Variants in ZNF641 observed in about 807,000 individuals in gnomAD.
The protein encoded by ZNF641 is zinc finger protein 641.
ZNF641 carries 26 observed loss-of-function variants against 46.2 expected under a neutral mutation model. That is an observed-to-expected ratio of 0.56 (90% CI 0.41 to 0.78). The LOEUF is 0.78. ZNF641 is among the 30% of genes least tolerant of loss of function. ZNF641 has a pLI of 0.00. For missense variants in ZNF641, 469 were observed against 517.8 expected (o/e 0.91, Z 0.91); for synonymous variants, 163 against 187.9 (o/e 0.87, Z 1.09).
At chr12:48,348,356 CATT>C (rs2136188638) in intron 1 of ZNF641, among the ~76,000 whole-genome samples, 1 of 152,034 alleles carries the variant, frequency 6.6e-6, no homozygotes, top group East Asian at 1.9e-4. Context: ...TTGTGGACCT[CATT>C]ATAGAAACAG....
chr12:48,350,298 A>C, intron 1 of ZNF641: 1 of 1,325,520 alleles, frequency 7.5e-7, no homozygotes, highest in Non-Finnish European at 9.9e-7. Flanking sequence ...CCAAGGGCAC[A>C]CGGACGAGTT....
rs750818043 is a variant in ZNF641 at position 48,348,023 on chromosome 12, G to A, written c.68C>T (p.Ala23Val). The A allele has an allele frequency of 2.5e-6, 4 of 1,614,078 alleles. No homozygotes were observed. The highest frequency in any genetic ancestry group is 3.4e-6 in the Non-Finnish European group (4 of 1,180,040). Reference protein sequence around the residue: ...WESMNVQLDGAEPQVERGSQE... With the variant: ...WESMNVQLDGVEPQVERGSQE... ...GCTTCCCCTTTCCACCTGGGGCTCT[G>A]CTCCATCCAGCTGTACATTCATTGA... The change falls in exon 2 of 6, where the codon GCA becomes GTA. Residue 23 changes from alanine to valine, a missense_variant. By Grantham distance (64) the Ala-to-Val change is moderately conservative (BLOSUM62 0). Around this residue, in one of 3 missense-constraint regions of ZNF641, gnomAD observed 98 missense variants for 105.7 expected, o/e 0.93. Transcript: ENST00000547026.
chr12:48,347,871 T>C (rs765349085), intron 2 of ZNF641, 36 bp downstream of exon 2: 1 of 1,591,872 alleles, frequency 6.3e-7, no homozygotes, highest in Non-Finnish European at 8.6e-7. Context: ...TAGGAGACTA[T>C]GCACTGTGCT....
intron 3 of ZNF641, among the ~76,000 whole-genome samples, chr12:48,346,765 C>T (rs1265694257): frequency 6.6e-6 from 1 of 152,192 alleles, no homozygotes; most frequent in Non-Finnish European, 1.5e-5. Flanking sequence ...GACCCCAGCA[C>T]TTTGGGAGGC....
In ZNF641 at chr12:48,347,884, C is replaced by T. The variant is rs751868543; in HGVS notation, c.184+23G>A. 3.7e-6 allele frequency: 6 copies of T among 1,610,076 alleles called. No homozygotes were observed. In the African/African-American group the frequency reaches 5.3e-5, roughly 14 times the overall value. On this transcript the variant is annotated intron_variant, in intron 2 of 5. Transcript: ENST00000547026. ...ATTAGGAGACTATGCACTGTGCTTC[C>T]CACACACTCTGTGAGTTCTCACCCT...
Position 48,340,019 on chromosome 12 carries a change from G to T in ZNF641, c.*2954C>A. 1.0e-6 allele frequency: 1 copy of T among 985,428 alleles called. No homozygotes were observed. Among genetic ancestry groups the T allele is most frequent in the African/African-American group, 1.7e-5 (1 of 57,360 alleles). 61.0% of individuals were successfully genotyped at this position (985,428 alleles called of 1,614,324 possible). A position where few individuals can be genotyped will look rare whatever the true frequency, so the allele number is the denominator to read the frequency against. ...AGATGATATCCCTGTTTTACATTTT[G>T]CCCAAAGAGAACACAGAGATTCTTT... On this transcript the variant is annotated 3_prime_UTR_variant, in exon 6 of 6. Coordinates refer to ENST00000547026, the MANE Select transcript of ZNF641 (RefSeq NM_001172681.2).
In ZNF641 at chr12:48,347,330, G is replaced by A. The variant is rs1484951660; in HGVS notation, c.198C>T (p.Pro66=). ...QSLQEKAQSA[P]WVPAIPQEGN... ...CCTCCTGGGGAATTGCAGGAACCCA[G>A]GGAGCAGACTGAGCTGATAAGGAGA... The change falls in exon 3 of 6, where the codon CCC becomes CCT. Residue 66 remains proline (P), a synonymous_variant. Coordinates refer to ENST00000547026, the MANE Select transcript of ZNF641 (RefSeq NM_001172681.2). The A allele has an allele frequency of 6.2e-7, 1 of 1,612,596 alleles. No individual in the cohort carries two copies. The highest frequency in any genetic ancestry group is 1.1e-5 in the South Asian group (1 of 90,960).
At chr12:48,336,852 G>A (rs1284486729), downstream of ZNF641, among the ~76,000 whole-genome samples, 1 of 152,170 alleles carries the variant, frequency 6.6e-6, no homozygotes, top group Non-Finnish European at 1.5e-5. Context: ...TTAAACTCGT[G>A]CTGGGTGATC....
At chr12:48,344,564 A>C (rs758964951) in intron 5 of ZNF641, 35 bp downstream of exon 5, 3 of 1,366,772 alleles carry the variant, frequency 2.2e-6, no homozygotes, top group Non-Finnish European at 3.1e-6. Flanking sequence ...CCGAACTGTG[A>C]AGGAAGTGGC....
chr12:48,335,146 G>A (rs1265420618), downstream of ZNF641, among the ~76,000 whole-genome samples: 1 of 152,164 alleles, frequency 6.6e-6, no homozygotes, highest in African/African-American at 2.4e-5. Context: ...ACCCACAGAA[G>A]ACTTCTTTTG....
rs1015712486 is a variant in ZNF641 at position 48,342,590 on chromosome 12, T to C, written c.*383A>G. On this transcript the variant is annotated 3_prime_UTR_variant, in exon 6 of 6. Transcript: ENST00000547026. ...CTAAAATGGCCTTTCTGTCTATATA[T>C]AGAGAAAATATAATAGTAACAGTAT... The C allele has an allele frequency of 7.4e-6, 3 of 408,098 alleles. No individual in the cohort carries two copies. The highest frequency in any genetic ancestry group is 1.0e-5 in the Non-Finnish European group (3 of 292,958). The allele number at this position is 408,098 out of a possible 1,614,324, so 25.3% of individuals were successfully genotyped here. A position where few individuals can be genotyped will look rare whatever the true frequency, so the allele number is the denominator to read the frequency against.
chr12:48,350,794 G>A lies in ZNF641; in HGVS notation c.-34C>T. 2.4e-5 allele frequency: 24 copies of A among 983,226 alleles called. No homozygotes were observed. Among genetic ancestry groups the A allele is most frequent in the Non-Finnish European group, 2.5e-5 (21 of 827,932 alleles). The allele number at this position is 983,226 out of a possible 1,614,324, so 60.9% of individuals were successfully genotyped here. A position where few individuals can be genotyped will look rare whatever the true frequency, so the allele number is the denominator to read the frequency against. On this transcript the variant is annotated 5_prime_UTR_variant, in exon 1 of 6. Coordinates refer to ENST00000547026, the MANE Select transcript of ZNF641 (RefSeq NM_001172681.2). ...GGCCCGGCTCCACTCACCCCCGGTAGGCTTGGCCCGCGGCCCGGTGCCTCC... is the reference window on the plus strand; with the variant it reads ...GGCCCGGCTCCACTCACCCCCGGTAAGCTTGGCCCGCGGCCCGGTGCCTCC...
At chr12:48,336,886 C>T (rs1034995133), downstream of ZNF641, among the ~76,000 whole-genome samples, 6 of 152,194 alleles carry the variant, frequency 3.9e-5, no homozygotes, top group Non-Finnish European at 8.8e-5. Context: ...CCCTGCTCAG[C>T]AGTCTGCCGC....
At chr12:48,335,361 CTAGTAT>C (rs1287498801), downstream of ZNF641, among the ~76,000 whole-genome samples, 10 of 152,164 alleles carry the variant, frequency 6.6e-5, no homozygotes, top group African/African-American at 2.4e-4. Context: ...ACTAGGTGGT[CTAGTAT>C]TAGCCTTTTT....
chr12:48,344,342 T>C, intron 5 of ZNF641: 1 of 283,014 alleles, frequency 3.5e-6, no homozygotes, highest in Non-Finnish European at 6.6e-6. Context: ...ATATATTTAA[T>C]TTTCACAATA....
At chr12:48,350,962 C>G, upstream of ZNF641, 1 of 602,112 alleles carries the variant, frequency 1.7e-6, no homozygotes, top group Non-Finnish European at 2.1e-6. Context: ...CGCCCGCTTC[C>G]GGGGCTCTGC....
chr12:48,336,806 G>A (rs1952609421), downstream of ZNF641, among the ~76,000 whole-genome samples: 3 of 152,216 alleles, frequency 2.0e-5, no homozygotes, highest in South Asian at 6.2e-4. Flanking sequence ...CAAGAGCAGG[G>A]TCAGCCCTTG....
downstream of ZNF641, among the ~76,000 whole-genome samples, chr12:48,336,054 G>T (rs899999159): frequency 6.6e-5 from 10 of 152,078 alleles, no homozygotes; most frequent in African/African-American, 2.4e-4. Context: ...AAACAAAAAT[G>T]TCCTTTTAAA....
rs928004698 is a variant in ZNF641 at position 48,340,575 on chromosome 12, C to A, written c.*2398G>T. 2.0e-6 allele frequency: 2 copies of A among 985,318 alleles called. No homozygotes were observed. The highest frequency in any genetic ancestry group is 1.7e-5 in the African/African-American group (1 of 57,236). The allele number at this position is 985,318 out of a possible 1,614,324, so 61.0% of individuals were successfully genotyped here. A position where few individuals can be genotyped will look rare whatever the true frequency, so the allele number is the denominator to read the frequency against. On this transcript the variant is annotated 3_prime_UTR_variant, in exon 6 of 6. Coordinates refer to ENST00000547026, the MANE Select transcript of ZNF641 (RefSeq NM_001172681.2). ...TAAAATATTTAGTGACCCTTGCCTTCTAATTCTTGACACAAATATATAATG... is the reference window on the plus strand; with the variant it reads ...TAAAATATTTAGTGACCCTTGCCTTATAATTCTTGACACAAATATATAATG...
Sources: gnomAD v4.1 joint callset for allele counts (sites outside exome capture counted in the v4.1 genomes callset) on GRCh38, gnomAD v4.1.1 for gene constraint, gnomAD v4.1.1 regional missense constraint, MANE v1.5 for transcripts, NCBI Gene and HGNC (gene_info 2026-07-23, HGNC 2026-07-21) for gene names.